CHCHD6: variants seen among roughly 807,000 people sequenced by gnomAD.
CHCHD6 encodes MICOS complex subunit MIC25.
In CHCHD6, 28 loss-of-function variants were observed where a neutral mutation model predicts 32.3. That is an observed-to-expected ratio of 0.87 (90% CI 0.64 to 1.19). The LOEUF is 1.19. CHCHD6 is among the 50% of genes most tolerant of loss of function. CHCHD6 has a pLI of 0.00. For missense variants in CHCHD6, 333 were observed against 307.0 expected, an observed-to-expected ratio of 1.08 and a Z score of -0.63; for synonymous variants, 122 against 117.5, an observed-to-expected ratio of 1.04 and a Z score of -0.25.
chr3:126,787,409 C>A (rs1431256548), intron 4 of CHCHD6, among the ~76,000 whole-genome samples: 3 of 151,992 alleles, frequency 2.0e-5, no homozygotes, highest in Non-Finnish European at 2.9e-5. Context: ...TATAAGTTAC[C>A]TTGGGCAGTA....
chr3:126,857,721 T>C (rs137908771), intron 5 of CHCHD6, among the ~76,000 whole-genome samples: 1 of 152,284 alleles, frequency 6.6e-6, no homozygotes, highest in African/African-American at 2.4e-5. Flanking sequence ...TCACTACATA[T>C]CAGGGAAATG....
chr3:126,940,274 A>C (rs967533904), intron 6 of CHCHD6, among the ~76,000 whole-genome samples: 1 of 152,248 alleles, frequency 6.6e-6, no homozygotes, highest in African/African-American at 2.4e-5. Context: ...ACACAGCTGC[A>C]CATAAATGAG....
intron 4 of CHCHD6, among the ~76,000 whole-genome samples, chr3:126,778,812 G>A (rs1043464180): frequency 1.3e-5 from 2 of 152,078 alleles, no homozygotes; most frequent in East Asian, 1.9e-4. Flanking sequence ...GTGCAGTGGT[G>A]TAATCATAGC....
chr3:126,805,077 A>G (rs1328969351), intron 4 of CHCHD6, among the ~76,000 whole-genome samples: 1 of 152,178 alleles, frequency 6.6e-6, no homozygotes, highest in African/African-American at 2.4e-5. Flanking sequence ...ATTTATGACA[A>G]ACCCACAGCC....
At chr3:126,731,070 T>C (rs185382561) in intron 3 of CHCHD6, among the ~76,000 whole-genome samples, 136 of 125,828 alleles carry the variant, frequency 1.1e-3, no homozygotes, top group African/African-American at 4.0e-3. Flanking sequence ...ATTGCACCAC[T>C]GAACTCCAGC....
At chr3:126,708,311 A>T (rs1160971548) in intron 1 of CHCHD6, among the ~76,000 whole-genome samples, 2 of 152,106 alleles carry the variant, frequency 1.3e-5, no homozygotes, top group Non-Finnish European at 2.9e-5. Context: ...CAGTGCTGGA[A>T]CCTCAGGGTC....
intron 4 of CHCHD6, among the ~76,000 whole-genome samples, chr3:126,768,330 A>G (rs1310925358): frequency 1.3e-5 from 2 of 152,036 alleles, no homozygotes; most frequent in Non-Finnish European, 2.9e-5. Context: ...GCCTTACACC[A>G]TGATTGGAAA....
intron 4 of CHCHD6, among the ~76,000 whole-genome samples, chr3:126,776,134 G>A (rs1256943696): frequency 6.6e-6 from 1 of 152,176 alleles, no homozygotes; most frequent in Admixed American, 6.5e-5. Flanking sequence ...GCTTCTGGTT[G>A]TCTTGGGTCT....
Position 126,727,200 on chromosome 3 carries a change from GAC to G in CHCHD6, c.196+16_196+17del. 6.4e-7 allele frequency: 1 copy of G among 1,561,570 alleles called. No individual in the cohort carries two copies. Among genetic ancestry groups the G allele is most frequent in the Non-Finnish European group, 8.8e-7 (1 of 1,132,294 alleles). Reference sequence around the variant, plus strand: ...CCCCTCACAAAGGTATGGGGATTGTGACAGTTCTGTGGAGTGTGGAGAGACAG... The same window carrying G: ...CCCCTCACAAAGGTATGGGGATTGTGAGTTCTGTGGAGTGTGGAGAGACAG... On this transcript the variant is annotated intron_variant, in intron 2 of 7. Coordinates refer to ENST00000290913, the MANE Select transcript of CHCHD6 (RefSeq NM_032343.3).
rs569526238 is a variant in CHCHD6 at position 126,729,135 on chromosome 3, T to TA, written c.197-1418dup. On this transcript the variant is annotated intron_variant, in intron 2 of 7. Coordinates refer to ENST00000290913, the MANE Select transcript of CHCHD6 (RefSeq NM_032343.3). ...CATATTAAACGAAGAAACCTTAAAT[T>TA]AAAAAAAATAGGAAATGTGAATATA... is the stretch of plus-strand genomic sequence containing the variant. 2.0e-3 allele frequency among the ~76,000 whole-genome samples: 309 copies of TA among 151,710 alleles called. 1 individual carries two copies. The highest frequency in any genetic ancestry group is 3.1e-3 in the Non-Finnish European group (208 of 67,890).
chr3:126,738,308 G>T (rs770814337), intron 4 of CHCHD6, among the ~76,000 whole-genome samples: 5 of 152,168 alleles, frequency 3.3e-5, no homozygotes, highest in Non-Finnish European at 5.9e-5. Context: ...TATGTAAGAG[G>T]CTTGAGCATC....
At chr3:126,915,795 T>G (rs2078159842) in intron 6 of CHCHD6, among the ~76,000 whole-genome samples, 1 of 152,196 alleles carries the variant, frequency 6.6e-6, no homozygotes, top group African/African-American at 2.4e-5. Context: ...AGGCTGGTTT[T>G]GGGGTCTCTT....
intron 4 of CHCHD6, among the ~76,000 whole-genome samples, chr3:126,758,302 T>G (rs1462376687): frequency 4.6e-5 from 7 of 152,252 alleles, no homozygotes; most frequent in African/African-American, 1.7e-4. Flanking sequence ...CTTCTGCAAC[T>G]CCATTAACCA....
rs1291059274 is a variant in CHCHD6 at position 126,957,410 on chromosome 3, C to G, written c.567-6C>G. Reference sequence around the variant, plus strand: ...CCCCAGGCCTGCCTGCTCTTGTCTTCTGCAGGCCCCGCAGGGTGGAGCCCG... The same window carrying G: ...CCCCAGGCCTGCCTGCTCTTGTCTTGTGCAGGCCCCGCAGGGTGGAGCCCG... On this transcript the variant is annotated splice_region_variant and splice_polypyrimidine_tract_variant and intron_variant, in intron 6 of 7. Transcript: ENST00000290913. 6.2e-7 allele frequency: 1 copy of G among 1,609,558 alleles called. No individual in the cohort carries two copies. The highest frequency in any genetic ancestry group is 1.1e-5 in the South Asian group (1 of 90,082).
intron 5 of CHCHD6, among the ~76,000 whole-genome samples, chr3:126,871,689 G>A (rs1228362212): frequency 7.0e-5 from 9 of 128,966 alleles, no homozygotes; most frequent in Admixed American, 6.4e-4. Flanking sequence ...TTTTTGAGTC[G>A]GCGTCTCACT....
Position 126,802,407 on chromosome 3 carries a change from C to T in CHCHD6, c.412-50240C>T, listed in dbSNP as rs938585699. On this transcript the variant is annotated intron_variant, in intron 4 of 7. Coordinates refer to ENST00000290913, the MANE Select transcript of CHCHD6 (RefSeq NM_032343.3). ...GCTGAAAGCCAATGCTTGAGAACTACGTGAAGAATGCAGAAGCCTCAGGAG... is the reference window on the plus strand; with the variant it reads ...GCTGAAAGCCAATGCTTGAGAACTATGTGAAGAATGCAGAAGCCTCAGGAG... Among the ~76,000 whole-genome samples, 98 of 152,184 alleles carry T rather than the reference C, an allele frequency of 6.4e-4. 1 individual carries two copies. The Middle Eastern group carries it at 0.01, about 16-fold the overall frequency.
rs146915217 is a variant in CHCHD6, at chr3:126,893,696, C to T, written c.496-20984C>T. 1.1e-3 allele frequency among the ~76,000 whole-genome samples: 161 copies of T among 152,328 alleles called. 1 individual carries two copies. Among genetic ancestry groups the T allele is most frequent in the East Asian group, 0.01 (53 of 5,180 alleles). On this transcript the variant is annotated intron_variant, in intron 5 of 7. Transcript: ENST00000290913. ...TACCTGGGGAGAAACACTGAACCCC[C>T]GCTAAGGGGAGATAGTTAAAACATG...
At chr3:126,846,127 T>C (rs1298954766) in intron 4 of CHCHD6, among the ~76,000 whole-genome samples, 2 of 152,088 alleles carry the variant, frequency 1.3e-5, no homozygotes, top group Non-Finnish European at 2.9e-5. Flanking sequence ...CAGAAAAAGG[T>C]TGGACCTCCT....
intron 1 of CHCHD6, among the ~76,000 whole-genome samples, chr3:126,712,116 C>T (rs938779730): frequency 1.3e-5 from 2 of 152,174 alleles, no homozygotes; most frequent in Non-Finnish European, 2.9e-5. Flanking sequence ...GGCCCAGACA[C>T]CTGCATGTAG....
Sources: allele counts gnomAD v4.1 joint callset (sites outside exome capture counted in the v4.1 genomes callset), GRCh38; gene constraint gnomAD v4.1.1; transcripts MANE v1.5; gene names NCBI Gene and HGNC (gene_info 2026-07-23, HGNC 2026-07-21).